The following STARD13 variants were observed in gnomAD, a reference collection of about 807,000 sequenced individuals.
STARD13 encodes stAR-related lipid transfer protein 13.
STARD13 carries 62 observed loss-of-function variants against 106.4 expected under a neutral mutation model. That is an observed-to-expected ratio of 0.58 (90% CI 0.48 to 0.72). The LOEUF is 0.72. Ranked by LOEUF, STARD13 falls within the 30% of genes least tolerant of loss-of-function variation. The pLI is 0.00. For missense variants in STARD13, 1,387 were observed against 1,424.0 expected (o/e 0.97, Z 0.42); for synonymous variants, 565 against 553.0 (o/e 1.02, Z -0.31).
At chr13:33,429,935 G>GC in the STARD13 span, among the ~76,000 whole-genome samples, 1 of 149,796 alleles carries the variant, frequency 6.7e-6, no homozygotes, top group Admixed American at 6.6e-5. Flanking sequence ...TTTGGGGGGG[G>GC]GGGACGGAGT....
the STARD13 span, among the ~76,000 whole-genome samples, chr13:33,481,839 CGTG>C: frequency 1.6e-5 from 2 of 128,908 alleles, no homozygotes; most frequent in African/African-American, 6.6e-5. Context: ...ATTAGCCGGG[CGTG>C]GTGGTGGCGG....
At chr13:33,414,192 G>A in the STARD13 span, among the ~76,000 whole-genome samples, 3 of 152,132 alleles carry the variant, frequency 2.0e-5, no homozygotes, top group Admixed American at 6.6e-5. Flanking sequence ...TTCTGACTAC[G>A]ATGCAGAGAA....
rs933754157 is a variant in STARD13 at position 33,314,189 on chromosome 13, A to C, written c.124+36101T>G. ...TCTCCAAGGAATGAGATAAGAGCAAATCTAATTATGGTAGCTGTCAGGCCA... is the reference window on the plus strand; with the variant it reads ...TCTCCAAGGAATGAGATAAGAGCAACTCTAATTATGGTAGCTGTCAGGCCA... On this transcript the variant is annotated intron_variant, in intron 1 of 5. Transcript: ENST00000567873. Among the ~76,000 whole-genome samples, 2 of 152,110 alleles carry C rather than the reference A, an allele frequency of 1.3e-5. 1 individual carries two copies. The highest frequency in any genetic ancestry group is 4.1e-4 in the South Asian group (2 of 4,820).
chr13:33,329,356 T>C (rs2077811098), intron 1 of STARD13, among the ~76,000 whole-genome samples: 1 of 152,184 alleles, frequency 6.6e-6, no homozygotes, highest in Non-Finnish European at 1.5e-5. Context: ...GAAATGACTA[T>C]CACATTCCAA....
At chr13:33,412,862 C>A in the STARD13 span, among the ~76,000 whole-genome samples, 1 of 152,250 alleles carries the variant, frequency 6.6e-6, no homozygotes, top group African/African-American at 2.4e-5. Context: ...ACAATTATAA[C>A]TGGAGTTAAA....
At chr13:33,109,290 C>A (rs1472278706) in intron 12 of STARD13, among the ~76,000 whole-genome samples, 1 of 152,166 alleles carries the variant, frequency 6.6e-6, no homozygotes, top group East Asian at 1.9e-4. Flanking sequence ...CCTTCCAAAC[C>A]CCAAGAACAG....
At chr13:33,160,173 T>C (rs1391937407) in intron 3 of STARD13, among the ~76,000 whole-genome samples, 1 of 152,170 alleles carries the variant, frequency 6.6e-6, no homozygotes, top group African/African-American at 2.4e-5. Flanking sequence ...GACTTATACA[T>C]ACATGGTCAA....
the STARD13 span, among the ~76,000 whole-genome samples, chr13:33,457,200 A>AAC: frequency 3.3e-5 from 5 of 152,244 alleles, no homozygotes; most frequent in Non-Finnish European, 7.3e-5. Context: ...GGCTTTCCTG[A>AAC]AGAAGCAATC....
At chr13:33,287,685 G>T (rs747300442), upstream of STARD13, among the ~76,000 whole-genome samples, 3 of 152,164 alleles carry the variant, frequency 2.0e-5, no homozygotes, top group Non-Finnish European at 4.4e-5. Flanking sequence ...ACCGGTGGCC[G>T]TCCAATTAAG....
the STARD13 span, among the ~76,000 whole-genome samples, chr13:33,506,811 G>T: frequency 1.3e-5 from 2 of 152,232 alleles, no homozygotes; most frequent in Admixed American, 6.6e-5. Flanking sequence ...ATCTAAAAAG[G>T]CTATTAAAAT....
chr13:33,219,112 G>A (rs1385021073), intron 1 of STARD13, among the ~76,000 whole-genome samples: 1 of 152,074 alleles, frequency 6.6e-6, no homozygotes, highest in African/African-American at 2.4e-5. Flanking sequence ...GCTAAGGGGT[G>A]GATAAATCTC....
At chr13:33,175,552 A>G (rs1884428686) in intron 1 of STARD13, among the ~76,000 whole-genome samples, 1 of 152,196 alleles carries the variant, frequency 6.6e-6, no homozygotes, top group African/African-American at 2.4e-5. Flanking sequence ...AAAGGTGGTG[A>G]ACAAGAGTCC....
rs1324630457 is a variant in STARD13 at position 33,112,712 on chromosome 13, A to AG, written c.2492+8_2492+9insC. 1 of 1,572,646 alleles carries AG rather than the reference A, an allele frequency of 6.4e-7. No homozygotes were observed. The highest frequency in any genetic ancestry group is 1.9e-5 in the Admixed American group (1 of 53,194). Reference sequence around the variant, plus strand: ...GGGATTACTGTTGTTACTGAGAAAAAAAACCCACCGTGGAGAGCTTTCTTT... The same window carrying AG: ...GGGATTACTGTTGTTACTGAGAAAAAGAAACCCACCGTGGAGAGCTTTCTTT... On this transcript the variant is annotated intron_variant, in intron 9 of 13. Coordinates refer to ENST00000336934, the MANE Select transcript of STARD13 (RefSeq NM_178006.4).
At chr13:33,544,253 G>C in the STARD13 span, among the ~76,000 whole-genome samples, 1 of 152,012 alleles carries the variant, frequency 6.6e-6, no homozygotes, top group Non-Finnish European at 1.5e-5. Flanking sequence ...TCTACCCCCA[G>C]CCCACTCCCA....
At chr13:33,416,528 C>T in the STARD13 span, among the ~76,000 whole-genome samples, 31 of 152,162 alleles carry the variant, frequency 2.0e-4, no homozygotes, top group South Asian at 6.2e-3. Context: ...GGAGTAGAAA[C>T]GACAAGAACA....
At chr13:33,566,385 C>T in the STARD13 span, among the ~76,000 whole-genome samples, 2 of 147,650 alleles carry the variant, frequency 1.4e-5, no homozygotes, top group African/African-American at 5.0e-5. Flanking sequence ...GGAATGTATG[C>T]CCCATTGATA....
chr13:33,209,457 C>CTTTTTTTTTTTTTTT (rs1479939760), intron 1 of STARD13, among the ~76,000 whole-genome samples: 1 of 123,110 alleles, frequency 8.1e-6, no homozygotes, highest in African/African-American at 2.7e-5. Flanking sequence ...CTCTCTCTCT[C>CTTTTTTTTTTTTTTT]TCTTTTTTTT....
the STARD13 span, among the ~76,000 whole-genome samples, chr13:33,457,119 C>A: frequency 2.8e-4 from 43 of 152,288 alleles, no homozygotes; most frequent in African/African-American, 1.0e-3. Context: ...TATTCCTTAG[C>A]AAGCAGGATG....
the STARD13 span, among the ~76,000 whole-genome samples, chr13:33,664,758 C>T: frequency 4.6e-3 from 697 of 152,278 alleles, 7 homozygotes; most frequent in African/African-American, 0.016. Context: ...TCCGGAGTAG[C>T]GGGGACTACA....
Sources: gnomAD v4.1 joint callset for allele counts (sites outside exome capture counted in the v4.1 genomes callset) on GRCh38, gnomAD v4.1.1 for gene constraint, MANE v1.5 for transcripts, NCBI Gene and HGNC (gene_info 2026-07-23, HGNC 2026-07-21) for gene names.